Variants in R3HDM4 observed in about 807,000 individuals in gnomAD.
R3HDM4 encodes R3H domain-containing protein 4.
R3HDM4 carries 30 observed loss-of-function variants against 31.3 expected under a neutral mutation model. That is an observed-to-expected ratio of 0.96 (90% CI 0.72 to 1.30). The LOEUF is 1.30. Among genes scored for constraint, R3HDM4 ranks in the 50% most tolerant of loss-of-function variants. The probability of loss-of-function intolerance (pLI) is 0.00; values close to 1 mark genes in which losing one functional copy is unlikely to be tolerated. For synonymous variants in R3HDM4, 196 were observed against 156.6 expected, an observed-to-expected ratio of 1.25 and a Z score of -1.88; for missense variants, 444 against 366.1, an observed-to-expected ratio of 1.21 and a Z score of -1.74.
At chr19:910,188 G>A (rs956875344) in intron 1 of R3HDM4, among the ~76,000 whole-genome samples, 4 of 151,984 alleles carry the variant, frequency 2.6e-5, no homozygotes. Context: ...AGCTGGGTGC[G>A]GTGGCACATG....
intron 3 of R3HDM4, 43 bp downstream of exon 3, chr19:901,379 C>CG: frequency 6.3e-7 from 1 of 1,579,858 alleles, no homozygotes. Context: ...GGAGAACTGC[C>CG]GGGGTCCCCG....
chr19:897,169 A>C lies in R3HDM4; in HGVS notation c.*268T>G. On this transcript the variant is annotated 3_prime_UTR_variant, in exon 8 of 8. Coordinates refer to ENST00000361574, the MANE Select transcript of R3HDM4 (RefSeq NM_138774.4). ...GGCCAGAAAAGCTCAACGATGAAGA[A>C]ACAGGAACATGCCCAGGTCAGGTCT... 2.5e-6 allele frequency: 1 copy of C among 399,822 alleles called. No individual in the cohort carries two copies. Among genetic ancestry groups the C allele is most frequent in the Admixed American group, 4.2e-5 (1 of 23,654 alleles). 24.8% of individuals were successfully genotyped at this position (399,822 alleles called of 1,614,324 possible). A position where few individuals can be genotyped will look rare whatever the true frequency, so the allele number is the denominator to read the frequency against.
At chr19:909,292 A>G (rs1158586872) in intron 1 of R3HDM4, among the ~76,000 whole-genome samples, 2 of 152,134 alleles carry the variant, frequency 1.3e-5, no homozygotes, top group African/African-American at 4.8e-5. Flanking sequence ...CCCACTAGAG[A>G]CAGCAAGAGA....
chr19:903,999 C>T (rs1407836892), intron 1 of R3HDM4, among the ~76,000 whole-genome samples: 3 of 151,632 alleles, frequency 2.0e-5, no homozygotes, highest in Non-Finnish European at 2.9e-5. Context: ...TGCAGTGAGC[C>T]GAGATCGTGC....
At chr19:909,091 C>T (rs1190462638) in intron 1 of R3HDM4, among the ~76,000 whole-genome samples, 3 of 152,312 alleles carry the variant, frequency 2.0e-5, no homozygotes, top group East Asian at 1.9e-4. Context: ...CTTCCTGGAC[C>T]CTGAAGGCTC....
chr19:902,815 C>T (rs1475409118), intron 1 of R3HDM4, among the ~76,000 whole-genome samples: 3 of 152,040 alleles, frequency 2.0e-5, no homozygotes, highest in Non-Finnish European at 2.9e-5. Context: ...GTGGCGTGCG[C>T]CTGTAATCTC....
At chr19:903,139 G>C (rs1457580512) in intron 1 of R3HDM4, among the ~76,000 whole-genome samples, 1 of 151,996 alleles carries the variant, frequency 6.6e-6, no homozygotes, top group African/African-American at 2.4e-5. Context: ...CAGAAATGGA[G>C]AGTCAAGAAA....
At chr19:903,816 C>T (rs112364638) in intron 1 of R3HDM4, among the ~76,000 whole-genome samples, 7 of 151,908 alleles carry the variant, frequency 4.6e-5, no homozygotes, top group African/African-American at 1.7e-4. Flanking sequence ...TTTGGGAGGC[C>T]GAGGCGGGCG....
intron 1 of R3HDM4, among the ~76,000 whole-genome samples, chr19:910,511 A>G (rs9710240): frequency 6.6e-6 from 1 of 152,106 alleles, no homozygotes; most frequent in Non-Finnish European, 1.5e-5. Flanking sequence ...TCACGCCTGT[A>G]ATCCCAACAC....
chr19:902,458 T>A, intron 1 of R3HDM4: 1 of 200,064 alleles, frequency 5.0e-6, no homozygotes, highest in Non-Finnish European at 1.0e-5. Context: ...AAAAGACTTA[T>A]TTTTTTGTCT....
Position 897,591 on chromosome 19 carries a change from CAGGTAG to C in R3HDM4, c.704-57_704-52del, listed in dbSNP as rs1050841976. On this transcript the variant is annotated intron_variant, in intron 7 of 7. Transcript: ENST00000361574. ...AACGGGAGGAATTTGGGAGCCGCGG[CAGGTAG>C]AGGTGCCTCGGACCTGCACCACCCT... The C allele has an allele frequency of 4.8e-6, 7 of 1,451,872 alleles. No individual in the cohort carries two copies. The African/African-American group carries it at 9.8e-5, about 20-fold the overall frequency. 89.9% of individuals were successfully genotyped at this position (1,451,872 alleles called of 1,614,324 possible).
chr19:899,861 G>A lies in R3HDM4; in HGVS notation c.562-175C>T, dbSNP rs563721161. ...ATGCCACCTCCTGCCTGTGCCTTCC[G>A]TGGAGGAAACTCCTACACACCCTGC... On this transcript the variant is annotated intron_variant, in intron 5 of 7. Coordinates refer to ENST00000361574, the MANE Select transcript of R3HDM4 (RefSeq NM_138774.4). This position sits in a 1 kb window ranked among gnomAD's most constrained non-coding sequence, Gnocchi z 6.8. 2.1e-4 allele frequency among the ~76,000 whole-genome samples: 32 copies of A among 152,154 alleles called. No individual in the cohort carries two copies. The highest frequency in any genetic ancestry group is 1.3e-4 in the Admixed American group (2 of 15,254).
At chr19:911,100 G>A (rs1263680179) in intron 1 of R3HDM4, among the ~76,000 whole-genome samples, 4 of 151,422 alleles carry the variant, frequency 2.6e-5, no homozygotes, top group Admixed American at 6.6e-5. Flanking sequence ...CAGCCTGGAC[G>A]ACAGAGTGAG....
chr19:896,702 T>C lies in R3HDM4; in HGVS notation c.*735A>G, dbSNP rs1310167307. The C allele has an allele frequency of 6.6e-6, 1 of 152,208 alleles. No individual in the cohort carries two copies. The highest frequency in any genetic ancestry group is 1.5e-5 in the Non-Finnish European group (1 of 67,982). The allele number at this position is 152,208 out of a possible 1,614,324, so 9.4% of individuals were successfully genotyped here. A position where few individuals can be genotyped will look rare whatever the true frequency, so the allele number is the denominator to read the frequency against. On this transcript the variant is annotated 3_prime_UTR_variant, in exon 8 of 8. Coordinates refer to ENST00000361574, the MANE Select transcript of R3HDM4 (RefSeq NM_138774.4). This position sits in a 1 kb window ranked among gnomAD's most constrained non-coding sequence, Gnocchi z 4.0. ...CGGGATGGGGTGACAGACAAGGTAG[T>C]GCAAGGGCAGAGGCTTCTGGCTGGA... is the stretch of plus-strand genomic sequence containing the variant.
chr19:903,793 G>GCT (rs1473688448), intron 1 of R3HDM4, among the ~76,000 whole-genome samples: 2 of 152,230 alleles, frequency 1.3e-5, no homozygotes, highest in East Asian at 3.9e-4. Flanking sequence ...GCTCACGCCT[G>GCT]TCATCCCAGC....
chr19:898,229 A>T lies in R3HDM4; in HGVS notation c.704-689T>A, dbSNP rs867067417. Among the ~76,000 whole-genome samples the T allele has an allele frequency of 4.2e-3, 592 of 140,656 alleles. 7 individuals are homozygous for T. Among genetic ancestry groups the T allele is most frequent in the East Asian group, 0.034 (168 of 4,956 alleles). The allele number at this position is 140,656 out of a possible 152,430, so 92.3% of individuals were successfully genotyped here. ...AAACCCTGTCTCTACTAAAAAAAAA[A>T]ATATATATATATATATATACAAAAA... On this transcript the variant is annotated intron_variant, in intron 7 of 7. Coordinates refer to ENST00000361574, the MANE Select transcript of R3HDM4 (RefSeq NM_138774.4).
chr19:899,503 G>A lies in R3HDM4; in HGVS notation c.648-8C>T, dbSNP rs200630470. Reference sequence around the variant, plus strand: ...AGCAGAAGCCTCTCGAAGCTGTGGGGAACGGGCAGTGAGCGCCGTGCAGGG... The same window carrying A: ...AGCAGAAGCCTCTCGAAGCTGTGGGAAACGGGCAGTGAGCGCCGTGCAGGG... On this transcript the variant is annotated splice_region_variant and splice_polypyrimidine_tract_variant and intron_variant, in intron 6 of 7. Coordinates refer to ENST00000361574, the MANE Select transcript of R3HDM4 (RefSeq NM_138774.4). This position sits in a 1 kb window ranked among gnomAD's most constrained non-coding sequence, Gnocchi z 6.8. 8.5e-4 allele frequency: 1,375 copies of A among 1,613,676 alleles called. 2 individuals are homozygous for A. Among genetic ancestry groups the A allele is most frequent in the Admixed American group, 2.3e-3 (136 of 60,026 alleles).
chr19:900,795 G>GCCCCC, intron 4 of R3HDM4, 34 bp downstream of exon 4: 1 of 977,712 alleles, frequency 1.0e-6, no homozygotes, highest in Non-Finnish European at 1.4e-6. Flanking sequence ...CCATACCCTG[G>GCCCCC]CCCCACCCAT....
chr19:903,907 CG>C (rs2036870828), intron 1 of R3HDM4, among the ~76,000 whole-genome samples: 1 of 152,088 alleles, frequency 6.6e-6, no homozygotes, highest in Non-Finnish European at 1.5e-5. Flanking sequence ...AAAAATTAGC[CG>C]GGCGTGGTGG....
Sources: allele counts gnomAD v4.1 joint callset (sites outside exome capture counted in the v4.1 genomes callset), GRCh38; gene constraint gnomAD v4.1.1; non-coding constraint Gnocchi (gnomAD v3.1); transcripts MANE v1.5; gene names NCBI Gene and HGNC (gene_info 2026-07-23, HGNC 2026-07-21).